ZSCAN5A: variants seen among roughly 807,000 people sequenced by gnomAD.
ZSCAN5A encodes the protein zinc finger and SCAN domain-containing protein 5A.
In ZSCAN5A, 12 loss-of-function variants were observed where a neutral mutation model predicts 23.7. That is an observed-to-expected ratio of 0.51 (90% CI 0.32 to 0.82). The LOEUF (loss-of-function observed/expected upper bound fraction) is 0.82. Among genes scored for constraint, ZSCAN5A ranks in the 40% least tolerant of loss-of-function variants. The probability of loss-of-function intolerance (pLI) is 0.03; values close to 1 mark genes in which losing one functional copy is unlikely to be tolerated. For missense variants in ZSCAN5A, 597 were observed against 617.9 expected, an observed-to-expected ratio of 0.97 and a Z score of 0.36; for synonymous variants, 257 against 239.9, an observed-to-expected ratio of 1.07 and a Z score of -0.66.
intron 1 of ZSCAN5A, chr19:56,314,299 GCAAA>G (rs1216513711): frequency 2.0e-5 from 3 of 152,328 alleles, no homozygotes; most frequent in African/African-American, 7.2e-5. Context: ...GCTCCTGAGA[GCAAA>G]CAGTGACCTA....
intron 2 of ZSCAN5A, among the ~76,000 whole-genome samples, chr19:56,300,570 G>A (rs1460269048): frequency 2.0e-5 from 3 of 152,308 alleles, no homozygotes; most frequent in South Asian, 4.1e-4. Context: ...AATGCTGGCC[G>A]CAGGCTTACT....
At chr19:56,323,813 G>A (rs1287388565) in intron 2 of ZSCAN5A, among the ~76,000 whole-genome samples, 6 of 151,956 alleles carry the variant, frequency 3.9e-5, no homozygotes, top group Admixed American at 3.9e-4. Context: ...TGGGATTACA[G>A]TCATGAGCCA....
At chr19:56,310,762 T>C (rs1458981478) in intron 2 of ZSCAN5A, among the ~76,000 whole-genome samples, 1 of 152,216 alleles carries the variant, frequency 6.6e-6, no homozygotes, top group African/African-American at 2.4e-5. Flanking sequence ...CCAGCCTGCA[T>C]GTTTCTTGCC....
intron 2 of ZSCAN5A, among the ~76,000 whole-genome samples, chr19:56,293,529 T>G (rs1165188073): frequency 6.6e-6 from 1 of 152,184 alleles, no homozygotes; most frequent in East Asian, 1.9e-4. Flanking sequence ...GAGTGTGCAC[T>G]GTGGGCGCCG....
intron 2 of ZSCAN5A, among the ~76,000 whole-genome samples, chr19:56,252,316 C>T (rs964939576): frequency 3.3e-5 from 5 of 152,166 alleles, no homozygotes; most frequent in African/African-American, 9.7e-5. Flanking sequence ...GCTGTAACAA[C>T]GCAAAGGTTG....
intron 2 of ZSCAN5A, chr19:56,299,851 A>AG (rs2147241678): frequency 6.6e-6 from 1 of 152,336 alleles, no homozygotes; most frequent in South Asian, 2.1e-4. Flanking sequence ...AGCGACACAG[A>AG]GGGCTGAGGG....
intron 2 of ZSCAN5A, 103 bp from the exon 3 acceptor site, chr19:56,225,276 A>C: frequency 8.8e-7 from 1 of 1,132,722 alleles, no homozygotes; most frequent in South Asian, 2.1e-5. Context: ...GCAGCATCGA[A>C]TTCAGCACAG....
At chr19:56,222,442 C>T (rs1016667295) in intron 5 of ZSCAN5A, 116 bp from the exon 6 acceptor site, 5 of 1,558,574 alleles carry the variant, frequency 3.2e-6, no homozygotes, top group South Asian at 1.2e-5. Context: ...AAGCCTAAGA[C>T]ATTGGACTGT....
intron 2 of ZSCAN5A, among the ~76,000 whole-genome samples, chr19:56,243,235 T>C (rs1237773146): frequency 6.6e-6 from 1 of 152,008 alleles, no homozygotes; most frequent in Non-Finnish European, 1.5e-5. Context: ...CAGAGGGTGA[T>C]CATTGATGGG....
intron 2 of ZSCAN5A, among the ~76,000 whole-genome samples, chr19:56,329,878 G>C (rs999748693): frequency 5.9e-5 from 9 of 152,132 alleles, no homozygotes; most frequent in Non-Finnish European, 1.2e-4. Context: ...TACATGAGTA[G>C]GTGTGTTACT....
intron 2 of ZSCAN5A, among the ~76,000 whole-genome samples, chr19:56,339,356 G>GCGAAGGAGCGGC (rs2041572366): frequency 1.4e-5 from 2 of 147,414 alleles, no homozygotes; most frequent in African/African-American, 5.0e-5. Context: ...TTAGCAATAT[G>GCGAAGGAGCGGC]TGAAGGAGCG....
In ZSCAN5A at chr19:56,245,995, C is replaced by G. The variant is rs746606448; in HGVS notation, c.-127-20822G>C. The stretch of plus-strand genomic sequence containing the variant: ...AGTGGTGCCAGGGGTTAGGGGCCTC[C>G]ACCTAGAGTCATGCTCCTTCCAGTG... On this transcript the variant is annotated intron_variant, in intron 2 of 5. Transcript: ENST00000683990. Among the ~76,000 whole-genome samples, 101 of 152,222 alleles carry G rather than the reference C, an allele frequency of 6.6e-4. 1 individual carries two copies. Among genetic ancestry groups the G allele is most frequent in the Admixed American group, 5.5e-3 (84 of 15,280 alleles).
At chr19:56,363,831 A>T (rs2041748667) in intron 1 of ZSCAN5A, among the ~76,000 whole-genome samples, 1 of 152,230 alleles carries the variant, frequency 6.6e-6, no homozygotes, top group South Asian at 2.1e-4. Flanking sequence ...CAGATGTGTG[A>T]GCAAATAAAT....
At chr19:56,287,666 G>A (rs1416100203) in intron 2 of ZSCAN5A, among the ~76,000 whole-genome samples, 2 of 152,190 alleles carry the variant, frequency 1.3e-5, no homozygotes, top group Admixed American at 1.3e-4. Context: ...AACGGCAGGG[G>A]GTTGAGGCAG....
chr19:56,277,406 A>G (rs534004406), intron 2 of ZSCAN5A, among the ~76,000 whole-genome samples: 1 of 152,278 alleles, frequency 6.6e-6, no homozygotes, highest in African/African-American at 2.4e-5. Context: ...CCTTGAAAAC[A>G]TTATTCTCAG....
Position 56,221,920 on chromosome 19 carries a change from T to C in ZSCAN5A, c.1146A>G (p.Arg382=), listed in dbSNP as rs138632150. The change falls in exon 6 of 6, where the codon AGA becomes AGG. Residue 382 remains arginine (R), a synonymous_variant. Coordinates refer to ENST00000683990, the MANE Select transcript of ZSCAN5A (RefSeq NM_001322064.3). ...VIHKRSHTGE[R]LFQCNLCGKR... ...TCCCACAGAGATTACATTGAAAGAG[T>C]CTCTCGCCTGTGTGTGATCTCTTGT... 1.2e-5 allele frequency: 19 copies of C among 1,613,716 alleles called. No homozygotes were observed. In the African/African-American group the frequency reaches 2.3e-4, roughly 19 times the overall value.
upstream of ZSCAN5A, chr19:56,317,701 G>C (rs1039134394): frequency 7.9e-5 from 12 of 152,830 alleles, no homozygotes; most frequent in African/African-American, 2.9e-4. Context: ...GTCTGTGAGA[G>C]GAGGCAGGTG....
chr19:56,328,566 G>A (rs12975599), intron 2 of ZSCAN5A, among the ~76,000 whole-genome samples: 2 of 151,376 alleles, frequency 1.3e-5, no homozygotes, highest in African/African-American at 4.9e-5. Context: ...CACTTGAACC[G>A]AGGATTGCAG....
At chr19:56,355,049 T>G in intron 2 of ZSCAN5A, among the ~76,000 whole-genome samples, 1 of 152,166 alleles carries the variant, frequency 6.6e-6, no homozygotes, top group East Asian at 1.9e-4. Flanking sequence ...CACCTGAATT[T>G]CAGAGGAAAT....
Sources: allele counts gnomAD v4.1 joint callset (sites outside exome capture counted in the v4.1 genomes callset), GRCh38; gene constraint gnomAD v4.1.1; transcripts MANE v1.5; gene names NCBI Gene and HGNC (gene_info 2026-07-23, HGNC 2026-07-21).